Variants in CSMD1 observed in about 807,000 individuals in gnomAD.
The protein encoded by CSMD1 is CUB and Sushi multiple domains 1.
In CSMD1, 213 loss-of-function variants were observed where a neutral mutation model predicts 417.5. The observed-to-expected ratio is 0.51, with a 90% CI of 0.46 to 0.57. CSMD1 has a LOEUF of 0.57. CSMD1 is among the 20% of genes least tolerant of loss of function. The pLI is 0.00. For missense variants in CSMD1, 6,923 were observed against 4,529.7 expected, an observed-to-expected ratio of 1.53 and a Z score of -15.17; for synonymous variants, 2,862 against 1,736.8, an observed-to-expected ratio of 1.65 and a Z score of -16.11.
At chr8:4,486,134 T>C (rs1319968986) in intron 2 of CSMD1, among the ~76,000 whole-genome samples, 5 of 30,946 alleles carry the variant, frequency 1.6e-4, no homozygotes, top group African/African-American at 6.7e-4. Context: ...TATATATATA[T>C]ATACATACAT....
At chr8:3,514,288 C>T (rs949479341) in intron 10 of CSMD1, among the ~76,000 whole-genome samples, 4 of 152,120 alleles carry the variant, frequency 2.6e-5, no homozygotes, top group South Asian at 4.1e-4. Flanking sequence ...AACATAGAGA[C>T]GTCCTCAGTG....
At chr8:4,901,310 G>C (rs184423109) in intron 1 of CSMD1, among the ~76,000 whole-genome samples, 1 of 152,152 alleles carries the variant, frequency 6.6e-6, no homozygotes, top group Non-Finnish European at 1.5e-5. Flanking sequence ...TATTCCGCTT[G>C]TGTCATCTGA....
chr8:2,996,081 C>T (rs1410052525), intron 54 of CSMD1, among the ~76,000 whole-genome samples: 2 of 151,968 alleles, frequency 1.3e-5, no homozygotes, highest in Non-Finnish European at 2.9e-5. Flanking sequence ...CTGTATTATA[C>T]CTAGTGCCTG....
At chr8:4,803,071 G>A (rs1011405800) in intron 1 of CSMD1, among the ~76,000 whole-genome samples, 1 of 152,120 alleles carries the variant, frequency 6.6e-6, no homozygotes, top group Non-Finnish European at 1.5e-5. Flanking sequence ...TCTTGATATT[G>A]TGTTACAGAA....
At chr8:4,625,787 G>C (rs1364106951) in intron 2 of CSMD1, among the ~76,000 whole-genome samples, 2 of 152,084 alleles carry the variant, frequency 1.3e-5, no homozygotes, top group Non-Finnish European at 2.9e-5. Flanking sequence ...GCCGTGGTAT[G>C]ATCTCAGCTC....
chr8:4,228,307 G>A (rs553807214), intron 3 of CSMD1, among the ~76,000 whole-genome samples: 1 of 152,244 alleles, frequency 6.6e-6, no homozygotes, highest in Non-Finnish European at 1.5e-5. Context: ...AAAACTCTTT[G>A]AAATAGGTGT....
rs1351832326 is a variant in CSMD1 at position 4,928,494 on chromosome 8, C to T, written c.85+65838G>A. ...GATATTTATGAAATAATTATGTGAG[C>T]CTGAGCAAGTTACTGGCCCTCCTGA... On this transcript the variant is annotated intron_variant, in intron 1 of 69. Transcript: ENST00000635120. Among the ~76,000 whole-genome samples the T allele has an allele frequency of 2.6e-5, 4 of 152,126 alleles. No individual in the cohort carries two copies. The South Asian group carries it at 8.3e-4, about 31-fold the overall frequency.
intron 3 of CSMD1, among the ~76,000 whole-genome samples, chr8:4,188,727 T>G (rs1411344017): frequency 2.0e-5 from 3 of 152,036 alleles, no homozygotes; most frequent in Non-Finnish European, 4.4e-5. Flanking sequence ...AATAAACAAT[T>G]TTTGAGTAAT....
chr8:4,728,887 G>A (rs1044839273), intron 1 of CSMD1, among the ~76,000 whole-genome samples: 3 of 152,292 alleles, frequency 2.0e-5, no homozygotes, highest in Non-Finnish European at 4.4e-5. Context: ...AATTATTGGA[G>A]GGAGAAAGAA....
At chr8:3,605,653 G>T (rs1453690874) in intron 8 of CSMD1, among the ~76,000 whole-genome samples, 2 of 151,970 alleles carry the variant, frequency 1.3e-5, no homozygotes, top group African/African-American at 2.4e-5. Flanking sequence ...TTTCAAAATA[G>T]AATGAAAAAT....
chr8:3,091,468 A>T, intron 48 of CSMD1, 48 bp downstream of exon 48: 1 of 1,402,332 alleles, frequency 7.1e-7, no homozygotes, highest in Non-Finnish European at 9.7e-7. Flanking sequence ...AATGAAAATC[A>T]CCTGTTTTAA....
intron 1 of CSMD1, among the ~76,000 whole-genome samples, chr8:4,760,020 T>A (rs1482204271): frequency 2.0e-5 from 3 of 152,206 alleles, no homozygotes; most frequent in Non-Finnish European, 4.4e-5. Context: ...CTAATTTACA[T>A]TCCACCAACA....
intron 23 of CSMD1, among the ~76,000 whole-genome samples, chr8:3,337,218 T>A (rs1357269453): frequency 6.6e-6 from 1 of 152,182 alleles, no homozygotes; most frequent in African/African-American, 2.4e-5. Flanking sequence ...CTTACTTATC[T>A]CAAAGTCTAG....
At chr8:4,876,329 A>T (rs978292164) in intron 1 of CSMD1, among the ~76,000 whole-genome samples, 1 of 152,092 alleles carries the variant, frequency 6.6e-6, no homozygotes, top group Admixed American at 6.5e-5. Context: ...AACAGAATTA[A>T]CTTAAAATCT....
intron 2 of CSMD1, among the ~76,000 whole-genome samples, chr8:4,481,440 C>G (rs1801097027): frequency 6.6e-6 from 1 of 152,038 alleles, no homozygotes; most frequent in Admixed American, 6.5e-5. Context: ...TTTATTTTTT[C>G]TTAGTGGGAG....
At chr8:4,465,196 G>T (rs745994564) in intron 2 of CSMD1, among the ~76,000 whole-genome samples, 24 of 152,142 alleles carry the variant, frequency 1.6e-4, no homozygotes, top group African/African-American at 2.4e-4. Flanking sequence ...GTCCAAACCA[G>T]GAGGATGCCA....
intron 7 of CSMD1, among the ~76,000 whole-genome samples, chr8:3,677,274 G>A (rs544173992): frequency 6.6e-6 from 1 of 152,278 alleles, no homozygotes; most frequent in African/African-American, 2.4e-5. Flanking sequence ...TCTCTCCCAG[G>A]AAAGTTATGG....
At chr8:3,678,054 G>A (rs1355517338) in intron 7 of CSMD1, among the ~76,000 whole-genome samples, 1 of 152,130 alleles carries the variant, frequency 6.6e-6, no homozygotes, top group Non-Finnish European at 1.5e-5. Context: ...GTGGGAGGGT[G>A]GTTCAAAGAT....
intron 2 of CSMD1, among the ~76,000 whole-genome samples, chr8:4,463,977 C>G (rs568551021): frequency 1.3e-5 from 2 of 152,142 alleles, no homozygotes; most frequent in South Asian, 4.2e-4. Flanking sequence ...ATTGAAATTC[C>G]ATTTAGCTAT....
Sources: allele counts gnomAD v4.1 joint callset (sites outside exome capture counted in the v4.1 genomes callset), GRCh38; gene constraint gnomAD v4.1.1; transcripts MANE v1.5; gene names NCBI Gene and HGNC (gene_info 2026-07-23, HGNC 2026-07-21).